IFFO2: variants seen among roughly 807,000 people sequenced by gnomAD.
The protein encoded by IFFO2 is intermediate filament family orphan 2.
Under a neutral mutation model 53.5 loss-of-function variants are expected in IFFO2, and 19 were observed. That is an observed-to-expected ratio of 0.36 (90% confidence interval 0.25 to 0.52). The LOEUF (loss-of-function observed/expected upper bound fraction) is 0.52. Among genes scored for constraint, IFFO2 ranks in the 20% least tolerant of loss-of-function variants. The pLI is 0.94. For synonymous variants in IFFO2, 303 were observed against 313.6 expected (o/e 0.97, Z 0.36); for missense variants, 570 against 727.4 (o/e 0.78, Z 2.49).
At chr1:18,952,623 G>T (rs1363704640) in intron 1 of IFFO2, among the ~76,000 whole-genome samples, 1 of 152,216 alleles carries the variant, frequency 6.6e-6, no homozygotes, top group Non-Finnish European at 1.5e-5. Context: ...CAGAGTGTAT[G>T]TTTCTATTTC....
chr1:18,927,262 A>T (rs1209111978), intron 1 of IFFO2, among the ~76,000 whole-genome samples: 1 of 152,066 alleles, frequency 6.6e-6, no homozygotes, highest in African/African-American at 2.4e-5. Context: ...AATGGCCCAC[A>T]CCTTGCGGGA....
chr1:18,938,041 G>A (rs1289129629), intron 1 of IFFO2, among the ~76,000 whole-genome samples: 1 of 152,372 alleles, frequency 6.6e-6, no homozygotes, highest in East Asian at 1.9e-4. Context: ...AGGCCAGCAT[G>A]GCGAGAAGAA....
intron 1 of IFFO2, among the ~76,000 whole-genome samples, chr1:18,935,201 C>T (rs1936432229): frequency 6.6e-6 from 1 of 152,192 alleles, no homozygotes; most frequent in Non-Finnish European, 1.5e-5. Context: ...TGCAGGAAGA[C>T]TCCGCTATAA....
At chr1:18,930,228 T>G (rs1936356397) in intron 1 of IFFO2, among the ~76,000 whole-genome samples, 1 of 152,216 alleles carries the variant, frequency 6.6e-6, no homozygotes, top group Non-Finnish European at 1.5e-5. Context: ...ACCATGAGCA[T>G]GCCATTGGTG....
rs1936127988 is a variant in IFFO2, at chr1:18,916,025, T to C, written c.1103+878A>G. ...CTGTGATTCCAGCTACTTGGGAGGC[T>C]GAGGCAGGAGAAACACTGGAACCCG... On this transcript the variant is annotated intron_variant, in intron 5 of 8. Transcript: ENST00000455833. This position sits in a 1 kb window ranked among gnomAD's most constrained non-coding sequence, Gnocchi z 4.3. Among the ~76,000 whole-genome samples the C allele has an allele frequency of 1.3e-5, 2 of 151,752 alleles. No individual in the cohort carries two copies. Among genetic ancestry groups the C allele is most frequent in the Admixed American group, 6.6e-5 (1 of 15,238 alleles).
At chr1:18,948,209 T>C (rs1936614275) in intron 1 of IFFO2, among the ~76,000 whole-genome samples, 2 of 152,258 alleles carry the variant, frequency 1.3e-5, no homozygotes, top group African/African-American at 4.8e-5. Context: ...GTTTTCCTAC[T>C]GCACTGTTTT....
At chr1:18,953,798 G>C (rs994195990) in intron 1 of IFFO2, among the ~76,000 whole-genome samples, 2 of 152,118 alleles carry the variant, frequency 1.3e-5, no homozygotes, top group African/African-American at 4.8e-5. Flanking sequence ...CCACGCCCTG[G>C]GTGCAACTTG....
intron 1 of IFFO2, among the ~76,000 whole-genome samples, chr1:18,952,252 G>A (rs966751435): frequency 2.0e-5 from 3 of 152,126 alleles, no homozygotes; most frequent in Non-Finnish European, 2.9e-5. Context: ...TCCTCATTGC[G>A]GCTTCAGCGA....
intron 8 of IFFO2, 58 bp from the exon 9 acceptor site, chr1:18,908,724 C>A: frequency 7.7e-7 from 1 of 1,297,982 alleles, no homozygotes; most frequent in South Asian, 1.3e-5. Flanking sequence ...TCTGAAGGGT[C>A]AAGGAGTGGG....
rs920388189 is a variant in IFFO2 at position 18,918,540 on chromosome 1, T to C, written c.823-38A>G. The C allele has an allele frequency of 3.2e-6, 5 of 1,549,330 alleles. 1 individual carries two copies. In the Admixed American group the frequency reaches 9.8e-5, roughly 30 times the overall value. ...CAGCAGGGTTTACATGAGCGAGGGA[T>C]GGAGCAAGCCTGGGGGGCTTGGCAG... On this transcript the variant is annotated intron_variant, in intron 3 of 8. Transcript: ENST00000455833. The surrounding 1 kb of genome is among the most constrained non-coding windows in gnomAD (Gnocchi z 5.2).
intron 7 of IFFO2, among the ~76,000 whole-genome samples, chr1:18,910,723 C>G (rs972072809): frequency 6.6e-6 from 1 of 152,230 alleles, no homozygotes; most frequent in Non-Finnish European, 1.5e-5. Flanking sequence ...CAGCCTGGCT[C>G]TGATGCACCC....
chr1:18,946,781 G>C (rs1290762738), intron 1 of IFFO2, among the ~76,000 whole-genome samples: 2 of 152,140 alleles, frequency 1.3e-5, no homozygotes, highest in Non-Finnish European at 2.9e-5. Context: ...CTCAGTTTTA[G>C]CATCTCTAAA....
chr1:18,909,720 G>A (rs953035835), intron 8 of IFFO2, among the ~76,000 whole-genome samples: 8 of 152,132 alleles, frequency 5.3e-5, no homozygotes, highest in South Asian at 2.1e-4. Flanking sequence ...CATGTGGAAC[G>A]GTGAGTCAAC....
Position 18,911,981 on chromosome 1 carries a change from G to T in IFFO2, c.1206C>A (p.Thr402=). 6.4e-7 allele frequency: 1 copy of T among 1,551,718 alleles called. No individual in the cohort carries two copies. The highest frequency in any genetic ancestry group is 1.7e-4 in the Middle Eastern group (1 of 5,992). The change falls in exon 6 of 9, where the codon ACC becomes ACA. Residue 402 remains threonine (T), a synonymous_variant. Coordinates refer to ENST00000455833, the MANE Select transcript of IFFO2 (RefSeq NM_001136265.2). ...LWEDFTNCNP[T]IDLQGEQEEN... ...GGCTTACCTCGCCCTGCAGGTCGAT[G>T]GTCGGATTGCAGTTGGTGAAATCCT...
rs1014581968 is a variant in IFFO2, at chr1:18,921,047, C to T, written c.726+14G>A. On this transcript the variant is annotated intron_variant, in intron 2 of 8. Transcript: ENST00000455833. ...GGCGTGCCTCTCCTGGTCGGGATAT[C>T]GGAGGGCTCTTACCTCCTGCAGCGT... 17 of 1,551,246 alleles carry T rather than the reference C, an allele frequency of 1.1e-5. No individual in the cohort carries two copies. The highest frequency in any genetic ancestry group is 7.3e-5 in the East Asian group (3 of 40,938).
chr1:18,956,317 G>T lies in IFFO2; in HGVS notation c.16C>A (p.Leu6Met). 2.4e-6 allele frequency: 1 copy of T among 409,870 alleles called. No homozygotes were observed. Among genetic ancestry groups the T allele is most frequent in the Non-Finnish European group, 3.6e-6 (1 of 277,792 alleles). 25.4% of individuals were successfully genotyped at this position (409,870 alleles called of 1,614,324 possible). ...AAGGCCAAGGCCATCTCCCCGAACA[G>T]CAGCGAGTTCACCATGCGCCGGCTG... MVNSL[L>M]FGEMALAFGC... The change falls in exon 1 of 9, where the codon CTG (leucine) becomes ATG (methionine). Residue 6 changes from leucine to methionine, a missense_variant. Leu to Met is a conservative substitution (Grantham distance 15, BLOSUM62 2). Transcript: ENST00000455833. The surrounding 1 kb of genome is among the most constrained non-coding windows in gnomAD (Gnocchi z 6.4).
At position 18,916,958 on chromosome 1, in the gene IFFO2, C is replaced by A; in HGVS notation, c.1048G>T (p.Asp350Tyr). Residue 350 changes from aspartate to tyrosine, a missense_variant, in exon 5 of 9, where the codon GAT becomes TAT. Physicochemically the swap from Asp to Tyr is radical, Grantham distance 160. Transcript: ENST00000455833. This position sits in a 1 kb window ranked among gnomAD's most constrained non-coding sequence, Gnocchi z 4.3. ...GTGATGTTCATGGAGCCGACCTCAT[C>A]GTCCGAGAACCGGTTCACCTCCCCG... The part of the protein sequence containing the change: ...QDGEVNRFSD[D>Y]EVGSMNITDE... 1.3e-6 allele frequency: 2 copies of A among 1,552,044 alleles called. No homozygotes were observed. Among genetic ancestry groups the A allele is most frequent in the Admixed American group, 3.9e-5 (2 of 51,010 alleles).
chr1:18,941,942 G>A (rs2148186330), intron 1 of IFFO2, among the ~76,000 whole-genome samples: 1 of 152,332 alleles, frequency 6.6e-6, no homozygotes, highest in East Asian at 1.9e-4. Flanking sequence ...AGCCTTGAAT[G>A]CCAGGTCTTG....
At chr1:18,913,871 C>G (rs902672955) in intron 5 of IFFO2, among the ~76,000 whole-genome samples, 1 of 152,198 alleles carries the variant, frequency 6.6e-6, no homozygotes, top group African/African-American at 2.4e-5. Flanking sequence ...CTCGCTGTCG[C>G]CCAGGCTGGA....
Sources: allele counts gnomAD v4.1 joint callset (sites outside exome capture counted in the v4.1 genomes callset), GRCh38; gene constraint gnomAD v4.1.1; non-coding constraint Gnocchi (gnomAD v3.1); transcripts MANE v1.5; gene names NCBI Gene and HGNC (gene_info 2026-07-23, HGNC 2026-07-21).